Variants in VIT observed in about 807,000 individuals in gnomAD.
The protein encoded by VIT is vitrin.
In VIT, 99 loss-of-function variants were observed where a neutral mutation model predicts 78.0. The observed-to-expected ratio is 1.27, with a 90% confidence interval of 1.08 to 1.50. The LOEUF (loss-of-function observed/expected upper bound fraction) is 1.50, where lower values mean the gene tolerates loss of function less well. VIT is among the 40% of genes most tolerant of loss of function. The probability of loss-of-function intolerance (pLI) is 0.00; values close to 1 mark genes in which losing one functional copy is unlikely to be tolerated. For synonymous variants in VIT, 374 were observed against 334.3 expected (o/e 1.12, Z -1.29); for missense variants, 1,126 against 875.3 (o/e 1.29, Z -3.61).
intron 2 of VIT, among the ~76,000 whole-genome samples, chr2:36,717,939 C>T (rs778615641): frequency 6.6e-6 from 1 of 152,176 alleles, no homozygotes; most frequent in Non-Finnish European, 1.5e-5. Context: ...TGTCTCTCTC[C>T]TAGCTTCTGG....
At chr2:36,717,554 AAAGAATCCATTATCACCAGAGTACGC>A in intron 2 of VIT, among the ~76,000 whole-genome samples, 1 of 152,110 alleles carries the variant, frequency 6.6e-6, no homozygotes, top group Non-Finnish European at 1.5e-5. Flanking sequence ...ATTTTTTTAA[AAAGAATCCATTATCACCAGAGTACGC>A]AATCATGGAT....
intron 3 of VIT, 74 bp from the exon 4 acceptor site, chr2:36,743,026 G>C (rs1466680390): frequency 6.3e-7 from 1 of 1,576,458 alleles, no homozygotes; most frequent in Non-Finnish European, 8.7e-7. Flanking sequence ...GTCAATAGTT[G>C]AGACCTAACA....
At chr2:36,713,829 G>A (rs747826859) in intron 1 of VIT, among the ~76,000 whole-genome samples, 1 of 152,218 alleles carries the variant, frequency 6.6e-6, no homozygotes, top group Non-Finnish European at 1.5e-5. Flanking sequence ...GGGCTGCACA[G>A]GTGGGTCCGA....
chr2:36,786,851 G>A (rs1331307652), intron 11 of VIT, among the ~76,000 whole-genome samples: 1 of 152,218 alleles, frequency 6.6e-6, no homozygotes, highest in Non-Finnish European at 1.5e-5. Flanking sequence ...GCCTTCCCTA[G>A]CTTGGCTAGG....
chr2:36,766,427 G>T (rs1669433789), intron 6 of VIT, among the ~76,000 whole-genome samples: 1 of 152,286 alleles, frequency 6.6e-6, no homozygotes, highest in Non-Finnish European at 1.5e-5. Context: ...AGCTACTTGG[G>T]AGGTTAGGTG....
rs778128436 is a variant in VIT, at chr2:36,808,765, G to C, written c.1683G>C (p.Glu561Asp). 5.6e-6 allele frequency: 9 copies of C among 1,613,936 alleles called. No individual in the cohort carries two copies. In the African/African-American group the frequency reaches 6.7e-5, roughly 12 times the overall value. ...AGTACACCTACGAACAGCGGCTGGA[G>C]TTTGGGTTCGACAAGTACAGCAGCA... Reference protein sequence around the residue: ...AVQYTYEQRLEFGFDKYSSKP... With the variant: ...AVQYTYEQRLDFGFDKYSSKP... The change falls in exon 15 of 16, where the codon GAG becomes GAC. Residue 561 changes from glutamate (E) to aspartate (D), a missense_variant. Transcript: ENST00000379242.
chr2:36,709,691 C>T (rs1002377542), intron 1 of VIT, among the ~76,000 whole-genome samples: 4 of 151,990 alleles, frequency 2.6e-5, no homozygotes, highest in African/African-American at 9.7e-5. Context: ...GTAAAGCAGT[C>T]CAGATAGAAC....
intron 4 of VIT, among the ~76,000 whole-genome samples, chr2:36,745,137 C>T (rs1483475535): frequency 6.6e-6 from 1 of 151,944 alleles, no homozygotes. Context: ...AGGTGTATGG[C>T]TTTATTCCTG....
intron 2 of VIT, among the ~76,000 whole-genome samples, chr2:36,727,222 A>C (rs1417730527): frequency 6.6e-6 from 1 of 151,642 alleles, no homozygotes; most frequent in Non-Finnish European, 1.5e-5. Context: ...TTTCTTTCCC[A>C]GACAGCCTCT....
rs375258978 is a variant in VIT at position 36,787,283 on chromosome 2, G to A, written c.1058+7G>A. ...TGGGTGTTGTCCAGTATGGGTAAGT[G>A]CAGTTAATGTTCTGAATCCAGAAAG... On this transcript the variant is annotated splice_region_variant and intron_variant, in intron 12 of 15. Transcript: ENST00000379242. 4.4e-6 allele frequency: 7 copies of A among 1,608,256 alleles called. No homozygotes were observed. The highest frequency in any genetic ancestry group is 4.0e-5 in the African/African-American group (3 of 74,702).
chr2:36,706,754 G>A (rs891259865), intron 1 of VIT, among the ~76,000 whole-genome samples: 5 of 152,166 alleles, frequency 3.3e-5, no homozygotes, highest in Non-Finnish European at 5.9e-5. Context: ...TAATAATTGA[G>A]CTGCTTCAGT....
intron 1 of VIT, among the ~76,000 whole-genome samples, chr2:36,697,982 C>T (rs991050486): frequency 6.6e-6 from 1 of 152,170 alleles, no homozygotes; most frequent in African/African-American, 2.4e-5. Context: ...TGCAGCAAAG[C>T]AGGATCAAAC....
rs1664713067 is a variant in VIT at position 36,696,847 on chromosome 2, C to T, written c.-145C>T. 6.6e-6 allele frequency: 1 copy of T among 151,982 alleles called. No homozygotes were observed. Among genetic ancestry groups the T allele is most frequent in the Admixed American group, 6.5e-5 (1 of 15,270 alleles). The allele number at this position is 151,982 out of a possible 1,614,324, so 9.4% of individuals were successfully genotyped here. On this transcript the variant is annotated 5_prime_UTR_variant, in exon 1 of 16. Transcript: ENST00000379242. Reference sequence around the variant, plus strand: ...GAGAAGAAGAGAAAAGGTTCTTGGACCTCTCCCTGTTTCTTCCTTAGAATA... The same window carrying T: ...GAGAAGAAGAGAAAAGGTTCTTGGATCTCTCCCTGTTTCTTCCTTAGAATA...
At position 36,814,267 on chromosome 2, in the gene VIT, C is replaced by G. The variant is rs1553384960; in HGVS notation, c.1988C>G (p.Ser663Cys). Residue 663 changes from serine (S) to cysteine (C), a missense_variant, in exon 16 of 16, where the codon TCC (serine) becomes TGC (cysteine). Coordinates refer to ENST00000379242, the MANE Select transcript of VIT (RefSeq NM_053276.4). Reference sequence around the variant, plus strand: ...GCCACTCACCCCGCCAGAGACCACTCCTTCTTTGTGGACGAGTTTGACAAC... The same window carrying G: ...GCCACTCACCCCGCCAGAGACCACTGCTTCTTTGTGGACGAGTTTGACAAC... ...VIATHPARDH[S>C]FFVDEFDNLH... 4 of 1,614,252 alleles carry G rather than the reference C, an allele frequency of 2.5e-6. No homozygotes were observed. The South Asian group carries it at 4.4e-5, about 18-fold the overall frequency.
chr2:36,785,401 CA>C (rs1364853003), intron 11 of VIT, among the ~76,000 whole-genome samples: 1 of 151,336 alleles, frequency 6.6e-6, no homozygotes, highest in Non-Finnish European at 1.5e-5. Flanking sequence ...CAAGCCCCGC[CA>C]GAAAAAAAAA....
Position 36,754,930 on chromosome 2 carries a change from T to C in VIT, c.285T>C (p.Leu95=). The C allele has an allele frequency of 2.5e-6, 4 of 1,613,906 alleles. No individual in the cohort carries two copies. The highest frequency in any genetic ancestry group is 3.4e-6 in the Non-Finnish European group (4 of 1,179,918). The change falls in exon 5 of 16, where the codon CTT becomes CTC. Residue 95 remains leucine, a synonymous_variant. Transcript: ENST00000379242. ...TTTTTTCTCTTCATAGTGGTGTGCT[T>C]GATAATTCAGGAGGGAAAATACTTG... ...VCGAAVHSGV[L]DNSGGKILVR... is the part of the protein sequence containing the mutation.
At chr2:36,789,194 G>T (rs1665313507) in intron 12 of VIT, among the ~76,000 whole-genome samples, 3 of 152,154 alleles carry the variant, frequency 2.0e-5, no homozygotes, top group African/African-American at 7.2e-5. Flanking sequence ...ATGCACCGCT[G>T]ACAGGTGATC....
chr2:36,801,822 A>G (rs1222857266), intron 13 of VIT, among the ~76,000 whole-genome samples: 2 of 151,928 alleles, frequency 1.3e-5, no homozygotes, highest in African/African-American at 2.4e-5. Context: ...CAACATCTAT[A>G]TCTTTTCTAA....
chr2:36,758,976 A>T lies in VIT; in HGVS notation c.417A>T (p.Lys139Asn), dbSNP rs758182303. ...TTTTTCTCTTTTTTGCAGAAAGTAA[A>T]CCCAAAAAGGGTGTAACCTACCCAT... ...WRESFIVLES[K>N]PKKGVTYPSA... is the part of the protein sequence containing the mutation. Residue 139 changes from lysine (K) to asparagine (N), a missense_variant, in exon 6 of 16, where the codon AAA becomes AAT. Coordinates refer to ENST00000379242, the MANE Select transcript of VIT (RefSeq NM_053276.4). 63 of 1,612,578 alleles carry T rather than the reference A, an allele frequency of 3.9e-5. No homozygotes were observed. The highest frequency in any genetic ancestry group is 5.2e-5 in the Non-Finnish European group (61 of 1,179,730).
Sources: allele counts gnomAD v4.1 joint callset (sites outside exome capture counted in the v4.1 genomes callset), GRCh38; gene constraint gnomAD v4.1.1; transcripts MANE v1.5; gene names NCBI Gene and HGNC (gene_info 2026-07-23, HGNC 2026-07-21).